The following NFXL1 variants were observed in gnomAD, a reference collection of about 807,000 sequenced individuals.
NFXL1 encodes the protein NF-X1-type zinc finger protein NFXL1.
NFXL1 carries 66 observed loss-of-function variants against 123.3 expected under a neutral mutation model. That is an observed-to-expected ratio of 0.54 (90% confidence interval 0.44 to 0.66). The LOEUF (loss-of-function observed/expected upper bound fraction) is 0.66, where lower values mean the gene tolerates loss of function less well. NFXL1 is among the 30% of genes least tolerant of loss of function. The probability of loss-of-function intolerance (pLI) is 0.00; values close to 1 mark genes in which losing one functional copy is unlikely to be tolerated. For synonymous variants in NFXL1, 346 were observed against 360.8 expected (o/e 0.96, Z 0.46); for missense variants, 944 against 1,125.6 (o/e 0.84, Z 2.31).
At chr4:47,902,016 T>C (rs1283541932) in intron 5 of NFXL1, among the ~76,000 whole-genome samples, 1 of 152,050 alleles carries the variant, frequency 6.6e-6, no homozygotes, top group African/African-American at 2.4e-5. Flanking sequence ...ACCCCATCTC[T>C]ACTAAAAATA....
chr4:47,900,567 A>C (rs1047796917), intron 5 of NFXL1, among the ~76,000 whole-genome samples: 1 of 152,200 alleles, frequency 6.6e-6, no homozygotes. Context: ...ATACCATGAA[A>C]GACTTTAAAC....
intron 13 of NFXL1, 75 bp from the exon 14 acceptor site, chr4:47,885,732 T>C: frequency 7.1e-7 from 1 of 1,401,134 alleles, no homozygotes; most frequent in Non-Finnish European, 1.0e-6. Flanking sequence ...AATTATCTAT[T>C]TACATATCTT....
intron 19 of NFXL1, among the ~76,000 whole-genome samples, chr4:47,858,315 T>C (rs981125406): frequency 1.3e-5 from 2 of 152,250 alleles, no homozygotes; most frequent in Non-Finnish European, 2.9e-5. Context: ...TTACTGATTA[T>C]AAATTGATAC....
intron 10 of NFXL1, among the ~76,000 whole-genome samples, chr4:47,895,478 C>T (rs1217596035): frequency 6.6e-6 from 1 of 152,196 alleles, no homozygotes; most frequent in South Asian, 2.1e-4. Flanking sequence ...AACCCGACAG[C>T]TTCTACATCA....
At chr4:47,897,663 A>AATGT (rs1737161406) in intron 9 of NFXL1, among the ~76,000 whole-genome samples, 1 of 152,130 alleles carries the variant, frequency 6.6e-6, no homozygotes, top group Non-Finnish European at 1.5e-5. Context: ...GGTTTGGACA[A>AATGT]ATGTATAATG....
At chr4:47,894,040 T>C (rs73244439) in intron 11 of NFXL1, 140 bp downstream of exon 11, 35,058 of 484,562 alleles carry the variant, frequency 0.072, 2,425 homozygotes, top group East Asian at 0.32. Context: ...AAGCTTAATC[T>C]AGAATATTTA....
intron 14 of NFXL1, 99 bp from the exon 15 acceptor site, chr4:47,884,536 C>A (rs909789982): frequency 6.2e-5 from 41 of 662,162 alleles, no homozygotes; most frequent in Non-Finnish European, 9.6e-5. Flanking sequence ...TCTGCTCAAG[C>A]AGGTTGAAAT....
chr4:47,878,788 G>A (rs571721776), intron 16 of NFXL1, 123 bp from the exon 17 acceptor site: 11 of 636,904 alleles, frequency 1.7e-5, no homozygotes, highest in Middle Eastern at 2.7e-4. Context: ...AAGTTTGCAC[G>A]AATAATAATA....
chr4:47,910,022 T>C (rs1737749342), intron 3 of NFXL1, among the ~76,000 whole-genome samples: 1 of 152,192 alleles, frequency 6.6e-6, no homozygotes, highest in African/African-American at 2.4e-5. Context: ...TTTAATAATA[T>C]TTACATTTAA....
At chr4:47,865,419 C>T (rs1734995797) in intron 18 of NFXL1, among the ~76,000 whole-genome samples, 1 of 151,156 alleles carries the variant, frequency 6.6e-6, no homozygotes, top group African/African-American at 2.4e-5. Flanking sequence ...AACAAAATCA[C>T]TGAATCCCAC....
At position 47,851,160 on chromosome 4, in the gene NFXL1, C is replaced by T. The variant is rs775386183; in HGVS notation, c.2509-12G>A. The T allele has an allele frequency of 2.5e-6, 4 of 1,596,178 alleles. No individual in the cohort carries two copies. The Admixed American group carries it at 6.7e-5, about 27-fold the overall frequency. On this transcript the variant is annotated splice_polypyrimidine_tract_variant and intron_variant, in intron 21 of 22. Coordinates refer to ENST00000507489, the MANE Select transcript of NFXL1 (RefSeq NM_001278624.2). ...TCTGCTTCTTTTATCTGTTTATACA[C>T]ATACAAAAGTCAATTTACAATTTAG...
chr4:47,906,477 TA>T (rs1737569973), intron 3 of NFXL1, among the ~76,000 whole-genome samples: 1 of 152,100 alleles, frequency 6.6e-6, no homozygotes, highest in Non-Finnish European at 1.5e-5. Flanking sequence ...ATAAAATAAA[TA>T]TGATTTAGAA....
At chr4:47,861,866 G>A (rs1475427313) in intron 19 of NFXL1, among the ~76,000 whole-genome samples, 2 of 152,096 alleles carry the variant, frequency 1.3e-5, no homozygotes, top group Non-Finnish European at 1.5e-5. Flanking sequence ...GGTATGTAAT[G>A]TATTGATTCC....
At chr4:47,885,735 C>A in intron 13 of NFXL1, 78 bp from the exon 14 acceptor site, 1 of 1,391,090 alleles carries the variant, frequency 7.2e-7, no homozygotes. Flanking sequence ...TATCTATTTA[C>A]ATATCTTCTG....
At chr4:47,883,871 G>A (rs941398737) in intron 15 of NFXL1, among the ~76,000 whole-genome samples, 1 of 152,126 alleles carries the variant, frequency 6.6e-6, no homozygotes, top group Non-Finnish European at 1.5e-5. Context: ...TATTACTGTA[G>A]GTTCAGCTCC....
chr4:47,893,152 T>TATA (rs1317621956), intron 11 of NFXL1, among the ~76,000 whole-genome samples: 3 of 151,862 alleles, frequency 2.0e-5, no homozygotes, highest in African/African-American at 7.3e-5. Flanking sequence ...GACAAAACTA[T>TATA]ATAAACTAAA....
chr4:47,858,014 CA>C (rs1228280853), intron 19 of NFXL1, among the ~76,000 whole-genome samples: 3 of 152,106 alleles, frequency 2.0e-5, no homozygotes, highest in African/African-American at 7.2e-5. Flanking sequence ...ATAAGTAAGC[CA>C]AAATTGATTC....
At chr4:47,898,724 A>T in intron 8 of NFXL1, 33 bp downstream of exon 8, 20 of 1,104,050 alleles carry the variant, frequency 1.8e-5, no homozygotes, top group Non-Finnish European at 2.8e-5. Flanking sequence ...TGTACTCTTT[A>T]ATACCCACCC....
At chr4:47,861,388 AATACC>A (rs1734758750) in intron 19 of NFXL1, among the ~76,000 whole-genome samples, 1 of 152,202 alleles carries the variant, frequency 6.6e-6, no homozygotes, top group Non-Finnish European at 1.5e-5. Flanking sequence ...GAGATCTAGC[AATACC>A]AGGGGCTCCA....
Sources: allele counts gnomAD v4.1 joint callset (sites outside exome capture counted in the v4.1 genomes callset), GRCh38; gene constraint gnomAD v4.1.1; transcripts MANE v1.5; gene names NCBI Gene and HGNC (gene_info 2026-07-23, HGNC 2026-07-21).